The following GCLM variants were observed in gnomAD, a reference collection of about 807,000 sequenced individuals.
GCLM encodes the protein glutamate-cysteine ligase modifier subunit.
Under a neutral mutation model 36.0 loss-of-function variants are expected in GCLM, and 15 were observed. The observed-to-expected ratio is 0.42, with a 90% CI of 0.28 to 0.64. The LOEUF is 0.64. Ranked by LOEUF, GCLM falls within the 30% of genes least tolerant of loss-of-function variation. The pLI, the probability that GCLM is intolerant of heterozygous loss-of-function variation, is 0.25. For missense variants in GCLM, 242 were observed against 325.5 expected, an observed-to-expected ratio of 0.74 and a Z score of 1.97; for synonymous variants, 129 against 122.8, an observed-to-expected ratio of 1.05 and a Z score of -0.34.
intron 3 of GCLM, among the ~76,000 whole-genome samples, chr1:93,898,798 T>G (rs1405658452): frequency 6.6e-6 from 1 of 152,088 alleles, no homozygotes; most frequent in African/African-American, 2.4e-5. Context: ...CTAATTTTCA[T>G]TTTTTTGTAG....
chr1:93,908,913 G>T, intron 1 of GCLM, 125 bp downstream of exon 1: 1 of 738,420 alleles, frequency 1.4e-6, no homozygotes, highest in South Asian at 3.2e-5. Context: ...ACCGCGGGCG[G>T]AGCCCAGGTG....
chr1:93,902,673 T>C (rs1476127257), intron 2 of GCLM, among the ~76,000 whole-genome samples: 1 of 152,174 alleles, frequency 6.6e-6, no homozygotes, highest in Non-Finnish European at 1.5e-5. Flanking sequence ...CATGTCATAA[T>C]CACCCAAGTC....
chr1:93,907,239 A>C (rs554749599), intron 1 of GCLM, among the ~76,000 whole-genome samples: 40 of 152,276 alleles, frequency 2.6e-4, no homozygotes, highest in Admixed American at 2.0e-4. Context: ...CCATTCCTTC[A>C]AGTTTTCCTG....
At chr1:93,895,076 G>C (rs1017868275) in intron 5 of GCLM, among the ~76,000 whole-genome samples, 2 of 149,188 alleles carry the variant, frequency 1.3e-5, no homozygotes, top group Admixed American at 1.3e-4. Context: ...GTACAGTGGC[G>C]TGATCTTGGC....
chr1:93,889,173 C>A lies in GCLM; in HGVS notation c.656-14G>T. 2 of 1,538,594 alleles carry A rather than the reference C, an allele frequency of 1.3e-6. No homozygotes were observed. Among genetic ancestry groups the A allele is most frequent in the Non-Finnish European group, 1.7e-6 (2 of 1,144,368 alleles). Reference sequence around the variant, plus strand: ...CAGAAAGCAGTTCTAAAAGAAACAACAACAAACAAAACTCCAGCGTGTTAA... The same window carrying A: ...CAGAAAGCAGTTCTAAAAGAAACAAAAACAAACAAAACTCCAGCGTGTTAA... On this transcript the variant is annotated splice_polypyrimidine_tract_variant and intron_variant, in intron 6 of 6. Coordinates refer to ENST00000370238, the MANE Select transcript of GCLM (RefSeq NM_002061.4).
At chr1:93,906,466 G>C (rs923487797) in intron 1 of GCLM, among the ~76,000 whole-genome samples, 1 of 152,132 alleles carries the variant, frequency 6.6e-6, no homozygotes, top group African/African-American at 2.4e-5. Flanking sequence ...TTGCACACTT[G>C]AGGCTTTCCT....
intron 4 of GCLM, among the ~76,000 whole-genome samples, chr1:93,897,572 G>A (rs1656778414): frequency 6.6e-6 from 1 of 150,948 alleles, no homozygotes; most frequent in Non-Finnish European, 1.5e-5. Flanking sequence ...GTACTAAAAG[G>A]GCTAAGAATA....
intron 6 of GCLM, among the ~76,000 whole-genome samples, chr1:93,892,549 AGGTT>A (rs1286621971): frequency 6.6e-6 from 1 of 152,220 alleles, no homozygotes; most frequent in Non-Finnish European, 1.5e-5. Flanking sequence ...AAGTGTCTGA[AGGTT>A]CATTAATGAT....
intron 5 of GCLM, 103 bp downstream of exon 5, chr1:93,896,515 C>T: frequency 1.1e-6 from 1 of 870,266 alleles, no homozygotes; most frequent in Non-Finnish European, 1.9e-6. Context: ...GGAAAAGTCA[C>T]CCCGCAGGGG....
At chr1:93,894,157 C>CTGAGGCAGGAGGAGAGCT (rs1553180094) in intron 6 of GCLM, among the ~76,000 whole-genome samples, 84 of 152,092 alleles carry the variant, frequency 5.5e-4, no homozygotes, top group African/African-American at 2.0e-3. Context: ...ACTCGGAAGG[C>CTGAGGCAGGAGGAGAGCT]TGAGGCAGGA....
chr1:93,889,343 A>T (rs1344921763), intron 6 of GCLM, among the ~76,000 whole-genome samples, 184 bp from the exon 7 acceptor site: 3 of 152,142 alleles, frequency 2.0e-5, no homozygotes, highest in South Asian at 4.1e-4. Flanking sequence ...CCAGGCAGTT[A>T]TTTAAAAAGT....
intron 1 of GCLM, among the ~76,000 whole-genome samples, chr1:93,906,436 C>T (rs991885224): frequency 6.6e-6 from 1 of 152,008 alleles, no homozygotes; most frequent in South Asian, 2.1e-4. Flanking sequence ...AAGAAATTTC[C>T]CTCTGGAAGG....
In GCLM at chr1:93,888,806, C is replaced by A; in HGVS notation, c.*184G>T. ...GTTTAAGGAAAGCAATACAGAGGTTCATGAGAATGGATTGATATGGAGGCA... is the reference window on the plus strand; with the variant it reads ...GTTTAAGGAAAGCAATACAGAGGTTAATGAGAATGGATTGATATGGAGGCA... On this transcript the variant is annotated 3_prime_UTR_variant, in exon 7 of 7. Coordinates refer to ENST00000370238, the MANE Select transcript of GCLM (RefSeq NM_002061.4). 4.9e-6 allele frequency: 2 copies of A among 409,826 alleles called. No homozygotes were observed. The highest frequency in any genetic ancestry group is 8.7e-6 in the Non-Finnish European group (2 of 230,780). The allele number at this position is 409,826 out of a possible 1,614,324, so 25.4% of individuals were successfully genotyped here. A position where few individuals can be genotyped will look rare whatever the true frequency, so the allele number is the denominator to read the frequency against.
At position 93,894,016 on chromosome 1, in the gene GCLM, G is replaced by A. The variant is rs115828401; in HGVS notation, c.655+598C>T. On this transcript the variant is annotated intron_variant, in intron 6 of 6. Transcript: ENST00000370238. ...CTCATGCCTAAAATCCCAGCACCTTGGGAGGCCGAGGTGGGGGAATTGCTT... is the reference window on the plus strand; with the variant it reads ...CTCATGCCTAAAATCCCAGCACCTTAGGAGGCCGAGGTGGGGGAATTGCTT... Among the ~76,000 whole-genome samples, 331 of 152,190 alleles carry A rather than the reference G, an allele frequency of 2.2e-3. 2 individuals carry two copies. The highest frequency in any genetic ancestry group is 3.8e-3 in the Non-Finnish European group (260 of 68,006).
intron 6 of GCLM, among the ~76,000 whole-genome samples, chr1:93,889,802 TATC>T (rs1656465189): frequency 6.6e-6 from 1 of 151,630 alleles, no homozygotes. Flanking sequence ...ATTACATAGA[TATC>T]ATAATTCATA....
chr1:93,890,947 G>A (rs12090038), intron 6 of GCLM, among the ~76,000 whole-genome samples: 12,277 of 150,970 alleles, frequency 0.081, 1,276 homozygotes, highest in African/African-American at 0.24. Flanking sequence ...CATGATCACA[G>A]CTCACTGCAG....
At chr1:93,892,084 A>G (rs1354553064) in intron 6 of GCLM, among the ~76,000 whole-genome samples, 3 of 152,158 alleles carry the variant, frequency 2.0e-5, no homozygotes, top group Non-Finnish European at 4.4e-5. Context: ...GAAGACCCTG[A>G]GGGAAAGAGA....
At chr1:93,898,993 T>C (rs1421602818) in intron 3 of GCLM, among the ~76,000 whole-genome samples, 1 of 152,148 alleles carries the variant, frequency 6.6e-6, no homozygotes, top group Non-Finnish European at 1.5e-5. Flanking sequence ...GCCAGTCTCA[T>C]CACCCAAATT....
At chr1:93,891,459 AAAC>A (rs756488061) in intron 6 of GCLM, among the ~76,000 whole-genome samples, 4 of 152,136 alleles carry the variant, frequency 2.6e-5, no homozygotes, top group Non-Finnish European at 5.9e-5. Context: ...GTACCATATA[AAAC>A]AACAATTAAC....
Sources: allele counts gnomAD v4.1 joint callset (sites outside exome capture counted in the v4.1 genomes callset), GRCh38; gene constraint gnomAD v4.1.1; transcripts MANE v1.5; gene names NCBI Gene and HGNC (gene_info 2026-07-23, HGNC 2026-07-21).